ANK1: variants seen among roughly 807,000 people sequenced by gnomAD.
ANK1 encodes ankyrin-1.
Under a neutral mutation model 210.4 loss-of-function variants are expected in ANK1, and 51 were observed. The observed-to-expected ratio is 0.24, with a 90% CI of 0.19 to 0.31. The LOEUF (loss-of-function observed/expected upper bound fraction) is 0.31, where lower values mean the gene tolerates loss of function less well. Among genes scored for constraint, ANK1 ranks in the 10% least tolerant of loss-of-function variants. ANK1 has a pLI of 1.00. For missense variants in ANK1, 2,051 were observed against 2,504.4 expected, an observed-to-expected ratio of 0.82 and a Z score of 3.86; for synonymous variants, 967 against 1,025.9, an observed-to-expected ratio of 0.94 and a Z score of 1.10.
chr8:41,872,891 C>T (rs889544422), intron 1 of ANK1, among the ~76,000 whole-genome samples: 16 of 152,226 alleles, frequency 1.1e-4, no homozygotes, highest in Non-Finnish European at 2.9e-5. Flanking sequence ...ACTGGGGAGT[C>T]TGTAGGGTCC....
At chr8:41,731,520 TA>T (rs1186482551) in intron 3 of ANK1, among the ~76,000 whole-genome samples, 2 of 152,158 alleles carry the variant, frequency 1.3e-5, no homozygotes, top group African/African-American at 4.8e-5. Context: ...TTTGTGCTTT[TA>T]AAATTTCTAA....
At chr8:41,833,095 G>A (rs990147108) in intron 1 of ANK1, among the ~76,000 whole-genome samples, 6 of 152,214 alleles carry the variant, frequency 3.9e-5, no homozygotes, top group Non-Finnish European at 5.9e-5. Context: ...TGTGGGTGGC[G>A]TGGGAGGGAA....
intron 1 of ANK1, among the ~76,000 whole-genome samples, chr8:41,892,786 T>C (rs377443883): frequency 2.6e-5 from 4 of 152,202 alleles, no homozygotes; most frequent in African/African-American, 9.6e-5. Flanking sequence ...ATTAATATTA[T>C]ATTAATTCAC....
rs1315817030 is a variant in ANK1, at chr8:41,704,089, G to T, written c.2247C>A (p.Ile749=). The T allele has an allele frequency of 6.2e-7, 1 of 1,614,168 alleles. No individual in the cohort carries two copies. Among genetic ancestry groups the T allele is most frequent in the African/African-American group, 1.3e-5 (1 of 75,044 alleles). The change falls in exon 20 of 43, where the codon ATC becomes ATA. Residue 749 remains isoleucine, a synonymous_variant. Transcript: ENST00000289734. The surrounding 1 kb of genome is among the most constrained non-coding windows in gnomAD (Gnocchi z 4.1). ...HQAAQQGHTD[I]VTLLLKNGAS... ...CACCGTTTTTCAGAAGCAGAGTCAC[G>T]ATGTCTGTGTGTCCCTGCTGGGCTG...
intron 1 of ANK1, among the ~76,000 whole-genome samples, chr8:41,838,307 A>C (rs2150802801): frequency 6.6e-6 from 1 of 152,356 alleles, no homozygotes; most frequent in South Asian, 2.1e-4. Context: ...ATCTGAGGAC[A>C]TCTGAAGTTA....
At chr8:41,708,489 T>C (rs1368017506) in intron 17 of ANK1, among the ~76,000 whole-genome samples, 1 of 152,240 alleles carries the variant, frequency 6.6e-6, no homozygotes, top group Non-Finnish European at 1.5e-5. Flanking sequence ...AAGTTTATTA[T>C]GGATTTTAAT....
chr8:41,662,705 G>A (rs564133281), intron 40 of ANK1, among the ~76,000 whole-genome samples: 1 of 152,264 alleles, frequency 6.6e-6, no homozygotes, highest in African/African-American at 2.4e-5. Context: ...GTCCCTGCCT[G>A]CAAGCAGCTC....
chr8:41,714,408 A>G (rs1827050136), intron 15 of ANK1, among the ~76,000 whole-genome samples, 154 bp from the exon 16 acceptor site: 1 of 152,188 alleles, frequency 6.6e-6, no homozygotes, highest in South Asian at 2.1e-4. Flanking sequence ...ACAGAATGTC[A>G]TCGGCAGGAC....
At chr8:41,759,125 A>G (rs1839870395) in intron 1 of ANK1, among the ~76,000 whole-genome samples, 1 of 152,214 alleles carries the variant, frequency 6.6e-6, no homozygotes, top group African/African-American at 2.4e-5. Flanking sequence ...AGCACTTTAC[A>G]TATACAGTCA....
At chr8:41,700,677 C>A (rs1456932013) in intron 22 of ANK1, among the ~76,000 whole-genome samples, 1 of 152,198 alleles carries the variant, frequency 6.6e-6, no homozygotes, top group African/African-American at 2.4e-5. Flanking sequence ...ACATCCCCAT[C>A]TAATTAGTGA....
chr8:41,891,870 T>C (rs890076505), intron 1 of ANK1, among the ~76,000 whole-genome samples: 4 of 152,226 alleles, frequency 2.6e-5, no homozygotes, highest in African/African-American at 9.6e-5. Context: ...AATGCTCTAA[T>C]AATTCACATG....
At chr8:41,664,548 A>G (rs1489869480) in intron 39 of ANK1, among the ~76,000 whole-genome samples, 3 of 152,116 alleles carry the variant, frequency 2.0e-5, no homozygotes, top group Non-Finnish European at 1.5e-5. Flanking sequence ...AAGAAACAGG[A>G]TGAGCGCAGC....
In ANK1 at chr8:41,704,744, G is replaced by A. The variant is rs180730522; in HGVS notation, c.2098-272C>T. 2.5e-4 allele frequency among the ~76,000 whole-genome samples: 38 copies of A among 152,282 alleles called. 1 individual carries two copies. Among genetic ancestry groups the A allele is most frequent in the African/African-American group, 9.1e-4 (38 of 41,576 alleles). Reference sequence around the variant, plus strand: ...GGTCGTCAGTGCATGGGAGATCTGAGAGCTTTGGAGGTGAGTGAGGTCCCC... The same window carrying A: ...GGTCGTCAGTGCATGGGAGATCTGAAAGCTTTGGAGGTGAGTGAGGTCCCC... On this transcript the variant is annotated intron_variant, in intron 18 of 42. Transcript: ENST00000289734. This position sits in a 1 kb window ranked among gnomAD's most constrained non-coding sequence, Gnocchi z 4.1.
chr8:41,805,484 C>T (rs978805481), intron 1 of ANK1, among the ~76,000 whole-genome samples: 1 of 151,962 alleles, frequency 6.6e-6, no homozygotes, highest in African/African-American at 2.4e-5. Flanking sequence ...TGGGCTCAAG[C>T]GATCCTCCTG....
chr8:41,694,715 C>A lies in ANK1; in HGVS notation c.3204G>T (p.Arg1068=). The stretch of plus-strand genomic sequence containing the variant: ...CGATGGTGTCGTAGTCCTGGCAGAG[C>A]CGTGACATGATCACGAAGTACAGCG... ...DFPLYFVIMS[R]LCQDYDTIGP... is the part of the protein sequence containing the mutation. Residue 1068 remains arginine (R), a synonymous_variant, in exon 28 of 43, where the codon CGG becomes CGT. Coordinates refer to ENST00000289734, the MANE Select transcript of ANK1 (RefSeq NM_000037.4). The surrounding 1 kb of genome is among the most constrained non-coding windows in gnomAD (Gnocchi z 5.7). 6.2e-7 allele frequency: 1 copy of A among 1,614,204 alleles called. No homozygotes were observed. The highest frequency in any genetic ancestry group is 1.1e-5 in the South Asian group (1 of 91,082).
intron 1 of ANK1, among the ~76,000 whole-genome samples, chr8:41,855,326 T>C (rs767727824): frequency 7.9e-5 from 12 of 152,220 alleles, no homozygotes; most frequent in African/African-American, 2.7e-4. Flanking sequence ...ACTTTCCATT[T>C]TTCATTTGTC....
chr8:41,730,270 C>A (rs1424396752), intron 3 of ANK1, among the ~76,000 whole-genome samples: 1 of 152,148 alleles, frequency 6.6e-6, no homozygotes, highest in Non-Finnish European at 1.5e-5. Flanking sequence ...GGCTGGGAAG[C>A]AGCTCAGTTC....
chr8:41,678,153 T>C (rs551307558), intron 37 of ANK1, among the ~76,000 whole-genome samples: 1 of 151,994 alleles, frequency 6.6e-6, no homozygotes, highest in South Asian at 2.1e-4. Flanking sequence ...TTCTTTTTCT[T>C]TTTTTTTGCG....
At chr8:41,803,076 GAA>G (rs1850311318) in intron 1 of ANK1, among the ~76,000 whole-genome samples, 1 of 27,136 alleles carries the variant, frequency 3.7e-5, no homozygotes, top group Non-Finnish European at 7.3e-5. Context: ...AGGAAGGAAG[GAA>G]GGAAGGGAAG....
Sources: gnomAD v4.1 joint callset for allele counts (sites outside exome capture counted in the v4.1 genomes callset) on GRCh38, gnomAD v4.1.1 for gene constraint, Gnocchi (gnomAD v3.1) non-coding constraint, MANE v1.5 for transcripts, NCBI Gene and HGNC (gene_info 2026-07-23, HGNC 2026-07-21) for gene names.